Variants in LUZP1 observed in about 807,000 individuals in gnomAD.
LUZP1 encodes the protein filamin mechanobinding actin cross-linking protein.
Under a neutral mutation model 71.3 loss-of-function variants are expected in LUZP1, and 25 were observed. That is an observed-to-expected ratio of 0.35 (90% CI 0.26 to 0.49). The LOEUF (loss-of-function observed/expected upper bound fraction) is 0.49, where lower values mean the gene tolerates loss of function less well. Ranked by LOEUF, LUZP1 falls within the 20% of genes least tolerant of loss-of-function variation. The pLI is 0.99. For synonymous variants in LUZP1, 481 were observed against 506.4 expected (o/e 0.95, Z 0.67); for missense variants, 1,142 against 1,300.8 (o/e 0.88, Z 1.88).
chr1:23,110,804 AT>A (rs902457707), intron 2 of LUZP1, among the ~76,000 whole-genome samples: 2 of 151,720 alleles, frequency 1.3e-5, no homozygotes, highest in Admixed American at 1.3e-4. Context: ...TTTGAAAAGA[AT>A]TTTTTTTTGT....
In LUZP1 at chr1:23,093,084, A is replaced by T; in HGVS notation, c.1178T>A (p.Leu393Gln). The T allele has an allele frequency of 6.2e-7, 1 of 1,614,144 alleles. No individual in the cohort carries two copies. ...TCGTTCCCGCTTATGCTGAGGAGAC[A>T]GTTCCCGCGCTGTGTGCTTGGACAC... Residue 393 changes from leucine to glutamine, a missense_variant, in exon 4 of 5, where the codon CTG becomes CAG. By Grantham distance (113) the Leu-to-Gln change is moderately radical (BLOSUM62 -2). Coordinates refer to ENST00000302291, the Ensembl canonical transcript of LUZP1. The surrounding 1 kb of genome is among the most constrained non-coding windows in gnomAD (Gnocchi z 4.2).
At chr1:23,138,669 G>T (rs973103049) in intron 2 of LUZP1, among the ~76,000 whole-genome samples, 1 of 99,548 alleles carries the variant, frequency 1.0e-5, no homozygotes, top group Non-Finnish European at 1.9e-5. Flanking sequence ...GTGTTTGTGT[G>T]TGTGTGTGTG....
At chr1:23,109,216 T>G (rs1004481651) in intron 2 of LUZP1, 89 bp from the exon 2 acceptor site, 2 of 152,222 alleles carry the variant, frequency 1.3e-5, no homozygotes, top group African/African-American at 4.8e-5. Flanking sequence ...CCCAAAGACT[T>G]TCACATACAA....
chr1:23,173,166 A>T (rs945525849), intron 1 of LUZP1, among the ~76,000 whole-genome samples: 1 of 151,430 alleles, frequency 6.6e-6, no homozygotes. Flanking sequence ...CTGAGGAGGG[A>T]GGATTGCTTG....
In LUZP1 at chr1:23,138,663, T is replaced by TG. The variant is rs1553140068; in HGVS notation, c.-225-29537_-225-29536insC. Among the ~76,000 whole-genome samples the TG allele has an allele frequency of 9.8e-3, 1,226 of 125,498 alleles. 10 individuals carry two copies. The highest frequency in any genetic ancestry group is 0.02 in the African/African-American group (622 of 31,820). 82.3% of individuals were successfully genotyped at this position (125,498 alleles called of 152,430 possible). On this transcript the variant is annotated intron_variant, in intron 2 of 4. Transcript: ENST00000302291. ...TTTTTATGGTATATGGATTATGTGTTTGTGTGTGTGTGTGTGTGTGTGTGT... is the reference window on the plus strand; with the variant it reads ...TTTTTATGGTATATGGATTATGTGTTGTGTGTGTGTGTGTGTGTGTGTGTGT...
At chr1:23,121,388 C>T (rs560429557) in intron 2 of LUZP1, among the ~76,000 whole-genome samples, 1 of 152,168 alleles carries the variant, frequency 6.6e-6, no homozygotes, top group East Asian at 1.9e-4. Context: ...TTTTTCTGGC[C>T]TAGAAATTTA....
At chr1:23,085,794 AAAC>A (rs1335488602) in exon 5 of LUZP1, 2 of 152,178 alleles carry the variant, frequency 1.3e-5, no homozygotes, top group Non-Finnish European at 2.9e-5. Context: ...CAAAAGCAAA[AAAC>A]AGCCACAGCT....
At chr1:23,127,714 G>A (rs1006673672) in intron 2 of LUZP1, among the ~76,000 whole-genome samples, 18 of 152,016 alleles carry the variant, frequency 1.2e-4, no homozygotes, top group African/African-American at 1.9e-4. Context: ...TAGTAGAGAC[G>A]GGGTTTCTCC....
intron 2 of LUZP1, among the ~76,000 whole-genome samples, chr1:23,125,019 C>A (rs773472018): frequency 6.6e-6 from 1 of 152,148 alleles, no homozygotes; most frequent in African/African-American, 2.4e-5. Flanking sequence ...ATAAATCAAG[C>A]TTGAATTGCA....
rs143940254 is a variant in LUZP1, at chr1:23,177,134, T to C, written c.-485+357A>G. Among the ~76,000 whole-genome samples the C allele has an allele frequency of 2.9e-3, 445 of 152,068 alleles. 2 individuals are homozygous for C. Among genetic ancestry groups the C allele is most frequent in the African/African-American group, 0.01 (429 of 41,498 alleles). ...TCAAACTCCTGGAATCAAGCGATCC[T>C]CCCACCTCGGCCTCCCAAAGTGGTG... On this transcript the variant is annotated intron_variant, in intron 1 of 4. Coordinates refer to ENST00000302291, the Ensembl canonical transcript of LUZP1.
chr1:23,111,505 G>A (rs1440408790), intron 2 of LUZP1, among the ~76,000 whole-genome samples: 3 of 152,110 alleles, frequency 2.0e-5, no homozygotes, highest in Non-Finnish European at 4.4e-5. Flanking sequence ...AGGCTGCTGT[G>A]AGCCACAGTT....
chr1:23,172,375 T>C (rs1280074485), intron 1 of LUZP1, among the ~76,000 whole-genome samples: 1 of 152,076 alleles, frequency 6.6e-6, no homozygotes, highest in Non-Finnish European at 1.5e-5. Context: ...AAGAACTAAA[T>C]AGGCCAGGCG....
intron 2 of LUZP1, among the ~76,000 whole-genome samples, chr1:23,150,707 A>G (rs1248453982): frequency 6.6e-6 from 1 of 152,182 alleles, no homozygotes; most frequent in East Asian, 1.9e-4. Flanking sequence ...GCTGCAGAGG[A>G]TGAGGGGAAT....
At chr1:23,100,742 C>G (rs1643925407) in intron 3 of LUZP1, among the ~76,000 whole-genome samples, 1 of 152,192 alleles carries the variant, frequency 6.6e-6, no homozygotes, top group Non-Finnish European at 1.5e-5. Flanking sequence ...GAACTCCAGG[C>G]TCCTTTCACT....
intron 1 of LUZP1, among the ~76,000 whole-genome samples, chr1:23,170,462 C>CTTTTT (rs200073505): frequency 4.4e-4 from 56 of 127,398 alleles, no homozygotes; most frequent in East Asian, 1.1e-3. Context: ...CTTTTTCTTT[C>CTTTTT]TTTTTTTTTT....
intron 1 of LUZP1, among the ~76,000 whole-genome samples, chr1:23,175,881 G>A (rs1195248162): frequency 1.3e-5 from 2 of 152,166 alleles, no homozygotes; most frequent in Admixed American, 6.5e-5. Context: ...GCCAGAGAAG[G>A]CTTCCTAGAA....
At chr1:23,154,327 T>C (rs567555496) in intron 2 of LUZP1, among the ~76,000 whole-genome samples, 1 of 151,892 alleles carries the variant, frequency 6.6e-6, no homozygotes, top group African/African-American at 2.4e-5. Context: ...AGGCCAAGAG[T>C]TCAACACCAG....
At chr1:23,145,803 C>T (rs1385759316) in intron 2 of LUZP1, among the ~76,000 whole-genome samples, 1 of 151,770 alleles carries the variant, frequency 6.6e-6, no homozygotes, top group African/African-American at 2.4e-5. Flanking sequence ...TAAACTGAGG[C>T]CCAGAAAAAC....
chr1:23,095,131 C>A (rs1643885634), intron 3 of LUZP1, among the ~76,000 whole-genome samples: 1 of 152,150 alleles, frequency 6.6e-6, no homozygotes, highest in Non-Finnish European at 1.5e-5. Context: ...AGCCATTTCA[C>A]TGGGGATATA....
Sources: gnomAD v4.1 joint callset for allele counts (sites outside exome capture counted in the v4.1 genomes callset) on GRCh38, gnomAD v4.1.1 for gene constraint, Gnocchi (gnomAD v3.1) non-coding constraint, MANE v1.5 for transcripts, NCBI Gene and HGNC (gene_info 2026-07-23, HGNC 2026-07-21) for gene names.